The following TMEM117 variants were observed in gnomAD, a reference collection of about 807,000 sequenced individuals.
The protein encoded by TMEM117 is transmembrane protein 117.
Under a neutral mutation model 52.4 loss-of-function variants are expected in TMEM117, and 27 were observed. The observed-to-expected ratio is 0.51, with a 90% CI of 0.38 to 0.71. The LOEUF is 0.71. TMEM117 is among the 30% of genes least tolerant of loss of function. The pLI, the probability that TMEM117 is intolerant of heterozygous loss-of-function variation, is 0.00. For missense variants in TMEM117, 556 were observed against 630.5 expected (o/e 0.88, Z 1.26); for synonymous variants, 215 against 206.3 (o/e 1.04, Z -0.36).
chr12:44,063,574 C>G (rs548295227), intron 3 of TMEM117, among the ~76,000 whole-genome samples: 82 of 151,816 alleles, frequency 5.4e-4, no homozygotes, highest in Non-Finnish European at 1.0e-3. Flanking sequence ...CCCATTAACT[C>G]GTCATTTACA....
intron 5 of TMEM117, among the ~76,000 whole-genome samples, chr12:44,218,856 A>T (rs1365365003): frequency 6.6e-6 from 1 of 151,828 alleles, no homozygotes; most frequent in African/African-American, 2.4e-5. Flanking sequence ...CCACACTGCC[A>T]CTCTTCATGG....
intron 3 of TMEM117, among the ~76,000 whole-genome samples, chr12:44,118,061 A>G (rs1368635407): frequency 6.6e-6 from 1 of 152,116 alleles, no homozygotes; most frequent in Non-Finnish European, 1.5e-5. Flanking sequence ...CGTACAGAGA[A>G]TATATTGGAA....
chr12:43,885,336 T>TA (rs1418738226), intron 2 of TMEM117, among the ~76,000 whole-genome samples: 1 of 152,134 alleles, frequency 6.6e-6, no homozygotes, highest in African/African-American at 2.4e-5. Context: ...TCAAAGAGAA[T>TA]AGAGTACAGC....
At chr12:43,971,924 C>T (rs749650130) in intron 3 of TMEM117, among the ~76,000 whole-genome samples, 8 of 152,196 alleles carry the variant, frequency 5.3e-5, no homozygotes, top group Non-Finnish European at 1.0e-4. Context: ...TCCCTCCAGC[C>T]CCTGGCAACC....
chr12:44,011,595 T>A (rs2137808665), intron 3 of TMEM117, among the ~76,000 whole-genome samples: 1 of 152,230 alleles, frequency 6.6e-6, no homozygotes, highest in South Asian at 2.1e-4. Flanking sequence ...CTCTTTTTCA[T>A]CCTAGTCTTG....
chr12:44,090,592 A>G (rs1947649533), intron 3 of TMEM117, among the ~76,000 whole-genome samples: 2 of 151,848 alleles, frequency 1.3e-5, no homozygotes, highest in South Asian at 2.1e-4. Context: ...ATGTGCCACC[A>G]TACCCAGCTA....
At chr12:44,321,911 A>C (rs1479106170) in intron 6 of TMEM117, among the ~76,000 whole-genome samples, 2 of 152,206 alleles carry the variant, frequency 1.3e-5, no homozygotes, top group African/African-American at 4.8e-5. Flanking sequence ...CTCTGTAATA[A>C]AATGAAAATC....
chr12:43,920,332 T>C (rs1461394317), intron 2 of TMEM117, among the ~76,000 whole-genome samples: 1 of 152,040 alleles, frequency 6.6e-6, no homozygotes, highest in East Asian at 1.9e-4. Context: ...AAGACCACGG[T>C]GAAACCCTGT....
intron 3 of TMEM117, among the ~76,000 whole-genome samples, chr12:44,061,102 C>T (rs757522362): frequency 5.3e-5 from 8 of 152,072 alleles, no homozygotes; most frequent in Non-Finnish European, 8.8e-5. Flanking sequence ...TAGGGCCATG[C>T]AAATTTTAAG....
At chr12:44,391,149 A>C (rs529985833), downstream of TMEM117, among the ~76,000 whole-genome samples, 1 of 152,284 alleles carries the variant, frequency 6.6e-6, no homozygotes, top group Non-Finnish European at 1.5e-5. Flanking sequence ...ACTTTCTTCC[A>C]CATAGTGCAG....
chr12:44,246,400 A>G (rs1405495393), intron 5 of TMEM117, among the ~76,000 whole-genome samples: 1 of 152,180 alleles, frequency 6.6e-6, no homozygotes, highest in East Asian at 1.9e-4. Flanking sequence ...ACAAATGTTT[A>G]TGCTCTTCTT....
At chr12:44,091,547 G>A (rs1947671952) in intron 3 of TMEM117, among the ~76,000 whole-genome samples, 1 of 152,116 alleles carries the variant, frequency 6.6e-6, no homozygotes, top group South Asian at 2.1e-4. Flanking sequence ...TAACAATAAT[G>A]TTTCTATTTA....
chr12:43,868,712 T>A (rs1731443), intron 2 of TMEM117, among the ~76,000 whole-genome samples: 150,212 of 152,248 alleles, frequency 0.99, 74,144 homozygotes, highest in East Asian at 1. Context: ...TGCTTAGGGT[T>A]AGTTTATATT....
At chr12:44,125,255 C>T (rs1948304513) in intron 3 of TMEM117, among the ~76,000 whole-genome samples, 1 of 152,178 alleles carries the variant, frequency 6.6e-6, no homozygotes, top group Non-Finnish European at 1.5e-5. Context: ...CAGGCGTCCG[C>T]CACCAAGCCC....
At chr12:43,893,919 C>T (rs867298436) in intron 2 of TMEM117, among the ~76,000 whole-genome samples, 29 of 152,208 alleles carry the variant, frequency 1.9e-4, no homozygotes, top group Non-Finnish European at 3.1e-4. Flanking sequence ...TTTGGCACCT[C>T]AGTGCTTCTT....
the TMEM117 span, among the ~76,000 whole-genome samples, chr12:43,820,921 C>T: frequency 6.0e-4 from 91 of 151,736 alleles, 1 homozygote; most frequent in South Asian, 0.019. Flanking sequence ...CGGTGAAACC[C>T]CGTCTCTACT....
chr12:44,312,768 A>C (rs1418941764), intron 6 of TMEM117, among the ~76,000 whole-genome samples: 1 of 152,148 alleles, frequency 6.6e-6, no homozygotes, highest in Admixed American at 6.6e-5. Flanking sequence ...CAGCCTCATC[A>C]GCATCTGTTA....
At chr12:43,797,677 A>T in the TMEM117 span, 1 of 1,602,312 alleles carries the variant, frequency 6.2e-7, no homozygotes, top group East Asian at 2.2e-5. Context: ...CAAAAAGAGC[A>T]GCCACTTAAT....
chr12:44,322,902 G>A (rs1951151060), intron 6 of TMEM117, among the ~76,000 whole-genome samples: 1 of 152,116 alleles, frequency 6.6e-6, no homozygotes, highest in Admixed American at 6.6e-5. Context: ...GGGGGATTAA[G>A]GTTATACTAG....
Sources: allele counts gnomAD v4.1 joint callset (sites outside exome capture counted in the v4.1 genomes callset), GRCh38; gene constraint gnomAD v4.1.1; transcripts MANE v1.5; gene names NCBI Gene and HGNC (gene_info 2026-07-23, HGNC 2026-07-21).